RAB3C: variants seen among roughly 807,000 people sequenced by gnomAD.
RAB3C encodes ras-related protein Rab-3C.
Under a neutral mutation model 26.4 loss-of-function variants are expected in RAB3C, and 17 were observed. The ratio of observed to expected loss-of-function variants is 0.64; its 90% confidence interval spans 0.44 to 0.97. The LOEUF (loss-of-function observed/expected upper bound fraction) is 0.97, where lower values mean the gene tolerates loss of function less well. Among genes scored for constraint, RAB3C ranks in the 50% least tolerant of loss-of-function variants. The pLI, the probability that RAB3C is intolerant of heterozygous loss-of-function variation, is 0.00. For synonymous variants in RAB3C, 91 were observed against 95.9 expected, an observed-to-expected ratio of 0.95 and a Z score of 0.30; for missense variants, 242 against 281.9, an observed-to-expected ratio of 0.86 and a Z score of 1.01.
intron 1 of RAB3C, among the ~76,000 whole-genome samples, chr5:58,588,833 A>G (rs1746066162): frequency 6.6e-6 from 1 of 152,176 alleles, no homozygotes; most frequent in African/African-American, 2.4e-5. Flanking sequence ...GAATTTCAAC[A>G]TAAACTATCA....
intron 3 of RAB3C, among the ~76,000 whole-genome samples, chr5:58,727,349 G>T (rs548964106): frequency 6.6e-6 from 1 of 151,834 alleles, no homozygotes; most frequent in African/African-American, 2.4e-5. Flanking sequence ...GAAATACAGG[G>T]TTATAAACTA....
At chr5:58,794,197 C>T (rs1742592909) in intron 3 of RAB3C, 1 of 152,052 alleles carries the variant, frequency 6.6e-6, no homozygotes, top group African/African-American at 2.4e-5. Context: ...TAGATTCTCC[C>T]TTAGAAGTGT....
chr5:58,777,198 G>A (rs552417291), intron 3 of RAB3C, among the ~76,000 whole-genome samples: 1 of 152,146 alleles, frequency 6.6e-6, no homozygotes, highest in Non-Finnish European at 1.5e-5. Context: ...TCTCTTCACT[G>A]GATTCCTACT....
intron 2 of RAB3C, among the ~76,000 whole-genome samples, chr5:58,667,126 A>T (rs1168394157): frequency 6.6e-6 from 1 of 152,178 alleles, no homozygotes; most frequent in Admixed American, 6.5e-5. Context: ...TATCATATCA[A>T]TTGGAAACAA....
chr5:58,701,247 C>T (rs138461235), intron 2 of RAB3C, among the ~76,000 whole-genome samples: 1,531 of 152,248 alleles, frequency 0.01, 24 homozygotes, highest in African/African-American at 0.035. Flanking sequence ...ATGATCCACC[C>T]GCCTTGGCCT....
rs143240233 is a variant in RAB3C, at chr5:58,828,323, C to A, written c.496+3161C>A. The stretch of plus-strand genomic sequence containing the variant: ...TTTGTTTCATTTGATCCTTTGAGCA[C>A]CCCTCCTTACTGAATGCTGCTTCGT... On this transcript the variant is annotated intron_variant, in intron 4 of 4. Coordinates refer to ENST00000282878, the MANE Select transcript of RAB3C (RefSeq NM_138453.4). 7.9e-5 allele frequency among the ~76,000 whole-genome samples: 12 copies of A among 152,278 alleles called. No individual in the cohort carries two copies. In the East Asian group the frequency reaches 2.3e-3, roughly 29 times the overall value.
chr5:58,735,564 A>C (rs1741114435), intron 3 of RAB3C, among the ~76,000 whole-genome samples: 1 of 152,206 alleles, frequency 6.6e-6, no homozygotes. Context: ...GAAGGCTAGA[A>C]GTCCCCAAAG....
intron 4 of RAB3C, among the ~76,000 whole-genome samples, chr5:58,850,543 G>A (rs186365900): frequency 5.4e-4 from 82 of 152,274 alleles, no homozygotes; most frequent in South Asian, 1.2e-3. Flanking sequence ...CTCTCAGACC[G>A]ATCATTAGGC....
chr5:58,732,087 T>G (rs1051398123), intron 3 of RAB3C, among the ~76,000 whole-genome samples: 1 of 136,446 alleles, frequency 7.3e-6, no homozygotes, highest in Admixed American at 7.7e-5. Flanking sequence ...TTTATTTATT[T>G]TTTTCTGTTT....
At chr5:58,754,128 T>A (rs1273935508) in intron 3 of RAB3C, among the ~76,000 whole-genome samples, 1 of 152,134 alleles carries the variant, frequency 6.6e-6, no homozygotes, top group Non-Finnish European at 1.5e-5. Flanking sequence ...ACAAAAGGGT[T>A]AAATTTTGGC....
chr5:58,696,247 C>A (rs1748695523), intron 2 of RAB3C, among the ~76,000 whole-genome samples: 1 of 152,134 alleles, frequency 6.6e-6, no homozygotes, highest in African/African-American at 2.4e-5. Context: ...ATATGTTGAA[C>A]CAGCCTTGCA....
chr5:58,813,060 A>G (rs1358550050), intron 3 of RAB3C, among the ~76,000 whole-genome samples: 2 of 152,122 alleles, frequency 1.3e-5, no homozygotes, highest in African/African-American at 4.8e-5. Context: ...GTTATATGTT[A>G]TCGGATTGTT....
intron 1 of RAB3C, among the ~76,000 whole-genome samples, chr5:58,603,765 C>T (rs1426777183): frequency 6.6e-6 from 1 of 152,190 alleles, no homozygotes; most frequent in Admixed American, 6.5e-5. Context: ...TGGTCCCTCC[C>T]TGATTAGCTT....
At chr5:58,613,930 C>T (rs1746769848) in intron 1 of RAB3C, among the ~76,000 whole-genome samples, 1 of 152,032 alleles carries the variant, frequency 6.6e-6, no homozygotes, top group African/African-American at 2.4e-5. Context: ...CTGAAGTTCT[C>T]TCTATGCTGT....
intron 2 of RAB3C, among the ~76,000 whole-genome samples, chr5:58,629,581 C>T (rs1375406126): frequency 6.6e-6 from 1 of 152,150 alleles, no homozygotes; most frequent in African/African-American, 2.4e-5. Flanking sequence ...GATCAGCCAC[C>T]ATCACTTGCA....
intron 3 of RAB3C, among the ~76,000 whole-genome samples, chr5:58,786,073 TA>T (rs11319306): frequency 0.2 from 30,232 of 152,214 alleles, 3,263 homozygotes; most frequent in African/African-American, 0.28. Context: ...GTCAGACTTT[TA>T]GACCTACAGA....
At position 58,825,082 on chromosome 5, in the gene RAB3C, T is replaced by C; in HGVS notation, c.416T>C (p.Ile139Thr). 2 of 1,613,544 alleles carry C rather than the reference T, an allele frequency of 1.2e-6. No homozygotes were observed. Among genetic ancestry groups the C allele is most frequent in the East Asian group, 4.5e-5 (2 of 44,822 alleles). Reference sequence around the variant, plus strand: ...TACTCTTGGGACAATGCCCAAGTTATTCTGGTTGGGAACAAGTGTGACATG... The same window carrying C: ...TACTCTTGGGACAATGCCCAAGTTACTCTGGTTGGGAACAAGTGTGACATG... The part of the protein sequence containing the change: ...KTYSWDNAQV[I>T]LVGNKCDMED... Residue 139 changes from isoleucine to threonine, a missense_variant, in exon 4 of 5, where the codon ATT becomes ACT. Ile to Thr is a moderately conservative substitution (Grantham distance 89). Coordinates refer to ENST00000282878, the MANE Select transcript of RAB3C (RefSeq NM_138453.4).
intron 4 of RAB3C, among the ~76,000 whole-genome samples, chr5:58,844,492 G>A (rs900427161): frequency 6.6e-6 from 1 of 152,158 alleles, no homozygotes; most frequent in Non-Finnish European, 1.5e-5. Flanking sequence ...TCTTCCTAAA[G>A]CCTGTCTCTG....
chr5:58,836,325 T>G (rs1210990767), intron 4 of RAB3C, among the ~76,000 whole-genome samples: 1 of 152,174 alleles, frequency 6.6e-6, no homozygotes, highest in Non-Finnish European at 1.5e-5. Flanking sequence ...TTTTGATACA[T>G]ATAATGTATT....
Sources: gnomAD v4.1 joint callset for allele counts (sites outside exome capture counted in the v4.1 genomes callset) on GRCh38, gnomAD v4.1.1 for gene constraint, MANE v1.5 for transcripts, NCBI Gene and HGNC (gene_info 2026-07-23, HGNC 2026-07-21) for gene names.